Variants in RPS6KA5 observed in about 807,000 individuals in gnomAD.
The protein encoded by RPS6KA5 is ribosomal protein S6 kinase A5.
RPS6KA5 carries 27 observed loss-of-function variants against 85.5 expected under a neutral mutation model. That is an observed-to-expected ratio of 0.32 (90% CI 0.23 to 0.44). RPS6KA5 has a LOEUF of 0.44. Among genes scored for constraint, RPS6KA5 ranks in the 20% least tolerant of loss-of-function variants. RPS6KA5 has a pLI of 1.00. For synonymous variants in RPS6KA5, 334 were observed against 348.2 expected (o/e 0.96, Z 0.46); for missense variants, 811 against 980.9 (o/e 0.83, Z 2.31).
At chr14:91,038,501 C>T (rs559905845) in intron 1 of RPS6KA5, among the ~76,000 whole-genome samples, 1 of 152,322 alleles carries the variant, frequency 6.6e-6, no homozygotes, top group South Asian at 2.1e-4. Flanking sequence ...CTCTCACCAC[C>T]TTCAGGCTTC....
rs1337546717 is a variant in RPS6KA5 at position 90,899,425 on chromosome 14, G to A, written c.1380-3C>T. 17 of 1,605,340 alleles carry A rather than the reference G, an allele frequency of 1.1e-5. No homozygotes were observed. The highest frequency in any genetic ancestry group is 1.4e-5 in the Non-Finnish European group (17 of 1,172,582). On this transcript the variant is annotated splice_region_variant and splice_polypyrimidine_tract_variant and intron_variant, in intron 11 of 16. Transcript: ENST00000614987. ...CCTTTTGAGTATTGGCTTCCATCCT[G>A]CAAGATGAGACACTTAGCATCCACA...
intron 2 of RPS6KA5, among the ~76,000 whole-genome samples, chr14:91,000,797 G>A (rs142316816): frequency 0.021 from 3,222 of 151,788 alleles, 47 homozygotes; most frequent in Middle Eastern, 0.044. Context: ...GCTAGACTCC[G>A]TCTCAAAAAA....
chr14:90,974,036 T>TAAAAAAA (rs1446606129), intron 3 of RPS6KA5, among the ~76,000 whole-genome samples: 2 of 9,830 alleles, frequency 2.0e-4, no homozygotes, highest in African/African-American at 4.9e-4. Flanking sequence ...AGACTCCATC[T>TAAAAAAA]CAAAAAAAAA....
At chr14:90,981,104 G>A (rs2140488664) in intron 2 of RPS6KA5, among the ~76,000 whole-genome samples, 1 of 152,358 alleles carries the variant, frequency 6.6e-6, no homozygotes, top group African/African-American at 2.4e-5. Flanking sequence ...CTGGGAGATG[G>A]AGGTTGCAGT....
intron 1 of RPS6KA5, among the ~76,000 whole-genome samples, chr14:91,031,192 T>G (rs181805515): frequency 6.6e-6 from 1 of 152,274 alleles, no homozygotes; most frequent in Non-Finnish European, 1.5e-5. Flanking sequence ...ATCAGCATCA[T>G]TAGAAGCTAG....
chr14:90,957,863 C>G (rs984577909), intron 3 of RPS6KA5, among the ~76,000 whole-genome samples: 2 of 150,586 alleles, frequency 1.3e-5, no homozygotes, highest in African/African-American at 4.9e-5. Flanking sequence ...AGTTTTAGGT[C>G]AGGTGTGGTG....
At position 90,894,397 on chromosome 14, in the gene RPS6KA5, T is replaced by G. The variant is rs2034721242; in HGVS notation, c.1644+16A>C. 1.9e-6 allele frequency: 3 copies of G among 1,611,124 alleles called. No homozygotes were observed. Among genetic ancestry groups the G allele is most frequent in the African/African-American group, 1.3e-5 (1 of 74,974 alleles). ...GTGCTAGACTGAATTACGTAAGAGA[T>G]CCAGTGATTTTATACCTCAGGTTTC... On this transcript the variant is annotated intron_variant, in intron 13 of 16. Transcript: ENST00000614987.
chr14:90,936,845 T>C (rs1404767992), intron 5 of RPS6KA5, among the ~76,000 whole-genome samples: 2 of 152,152 alleles, frequency 1.3e-5, no homozygotes, highest in Non-Finnish European at 2.9e-5. Flanking sequence ...GAATTTATAA[T>C]ATAAAATTGT....
intron 1 of RPS6KA5, among the ~76,000 whole-genome samples, chr14:91,045,477 T>A (rs1216979183): frequency 6.6e-6 from 1 of 152,210 alleles, no homozygotes; most frequent in East Asian, 1.9e-4. Context: ...TTGGCCAGGC[T>A]GGTCTCGAAT....
chr14:90,890,403 G>GT, intron 14 of RPS6KA5, 84 bp downstream of exon 14: 1 of 1,217,620 alleles, frequency 8.2e-7, no homozygotes, highest in Middle Eastern at 2.0e-4. Context: ...TTTCATGAAT[G>GT]TAAGGAAACA....
At chr14:90,998,168 T>TA (rs756442508) in intron 2 of RPS6KA5, among the ~76,000 whole-genome samples, 2 of 152,144 alleles carry the variant, frequency 1.3e-5, no homozygotes, top group Admixed American at 1.3e-4. Flanking sequence ...AATATATAGA[T>TA]AAAAAAGTCA....
chr14:90,970,891 A>G (rs1461172695), intron 3 of RPS6KA5, among the ~76,000 whole-genome samples: 3 of 145,072 alleles, frequency 2.1e-5, no homozygotes, highest in African/African-American at 7.6e-5. Flanking sequence ...GAGGCTTAAA[A>G]GATATTAATG....
chr14:90,899,531 G>A, intron 11 of RPS6KA5, 109 bp from the exon 12 acceptor site: 1 of 715,690 alleles, frequency 1.4e-6, no homozygotes, highest in Non-Finnish European at 2.5e-6. Flanking sequence ...GAATATACAT[G>A]TTACAGTATA....
At chr14:90,947,279 G>A (rs774377251) in intron 4 of RPS6KA5, among the ~76,000 whole-genome samples, 156 bp downstream of exon 4, 28 of 151,976 alleles carry the variant, frequency 1.8e-4, no homozygotes, top group African/African-American at 5.8e-4. Context: ...TTTTTCAAAC[G>A]GAATTATGAA....
At chr14:90,973,408 C>T (rs193294409) in intron 3 of RPS6KA5, among the ~76,000 whole-genome samples, 122 of 151,664 alleles carry the variant, frequency 8.0e-4, no homozygotes, top group Non-Finnish European at 1.5e-3. Flanking sequence ...AACATCACTG[C>T]GCTCCAGCCT....
rs997532277 is a variant in RPS6KA5 at position 90,858,000 on chromosome 14, C to A, written c.*14074G>T. 3.3e-5 allele frequency: 5 copies of A among 152,128 alleles called. No individual in the cohort carries two copies. The highest frequency in any genetic ancestry group is 7.3e-5 in the Non-Finnish European group (5 of 68,030). 9.4% of individuals were successfully genotyped at this position (152,128 alleles called of 1,614,324 possible). A position where few individuals can be genotyped will look rare whatever the true frequency, so the allele number is the denominator to read the frequency against. On this transcript the variant is annotated 3_prime_UTR_variant, in exon 17 of 17. Coordinates refer to ENST00000614987, the MANE Select transcript of RPS6KA5 (RefSeq NM_004755.4). Reference sequence around the variant, plus strand: ...AAGTTATCAATGCCAGAAGCCACTGCGGAGAAATCAACAATGGCGATTAAA... The same window carrying A: ...AAGTTATCAATGCCAGAAGCCACTGAGGAGAAATCAACAATGGCGATTAAA...
chr14:90,905,106 A>G (rs112672624), intron 8 of RPS6KA5, among the ~76,000 whole-genome samples: 2 of 152,164 alleles, frequency 1.3e-5, no homozygotes, highest in African/African-American at 4.8e-5. Context: ...CTGAACTTCT[A>G]TAAGATGTGC....
At position 90,923,103 on chromosome 14, in the gene RPS6KA5, T is replaced by G; in HGVS notation, c.702+10A>C. The G allele has an allele frequency of 6.3e-7, 1 of 1,588,858 alleles. No individual in the cohort carries two copies. Among genetic ancestry groups the G allele is most frequent in the Non-Finnish European group, 8.6e-7 (1 of 1,159,114 alleles). ...GAAATACATAAAGAAGCATCAAAAA[T>G]AGAACATACCTTGTCATGTCCTGAA... On this transcript the variant is annotated intron_variant, in intron 6 of 16. Coordinates refer to ENST00000614987, the MANE Select transcript of RPS6KA5 (RefSeq NM_004755.4).
chr14:90,943,177 A>G lies in RPS6KA5; in HGVS notation c.519T>C (p.Ile173=). 1 of 1,551,148 alleles carries G rather than the reference A, an allele frequency of 6.4e-7. No homozygotes were observed. Among genetic ancestry groups the G allele is most frequent in the Non-Finnish European group, 8.9e-7 (1 of 1,127,954 alleles). ...LALEHLHKLG[I]IYRDIKLENI... is the part of the protein sequence containing the mutation. The stretch of plus-strand genomic sequence containing the variant: ...TCTCAAGCTTAATATCACGATATAT[A>G]ATCCCCAACTGCAAAAACAAAGAAA... The change falls in exon 5 of 17, where the codon ATT becomes ATC. Residue 173 remains isoleucine (I), a synonymous_variant. Coordinates refer to ENST00000614987, the MANE Select transcript of RPS6KA5 (RefSeq NM_004755.4).
Sources: gnomAD v4.1 joint callset for allele counts (sites outside exome capture counted in the v4.1 genomes callset) on GRCh38, gnomAD v4.1.1 for gene constraint, MANE v1.5 for transcripts, NCBI Gene and HGNC (gene_info 2026-07-23, HGNC 2026-07-21) for gene names.